JHY: variants seen among roughly 807,000 people sequenced by gnomAD.
JHY encodes jhy protein homolog.
Under a neutral mutation model 78.0 loss-of-function variants are expected in JHY, and 69 were observed. The observed-to-expected ratio is 0.88, with a 90% CI of 0.73 to 1.08. JHY has a LOEUF of 1.08. Among genes scored for constraint, JHY ranks in the 50% least tolerant of loss-of-function variants. JHY has a pLI of 0.00. For missense variants in JHY, 944 were observed against 927.8 expected (o/e 1.02, Z -0.23); for synonymous variants, 368 against 342.6 (o/e 1.07, Z -0.82).
chr11:122,914,734 C>T (rs752609358), intron 3 of JHY, among the ~76,000 whole-genome samples: 9 of 152,090 alleles, frequency 5.9e-5, no homozygotes, highest in Non-Finnish European at 1.3e-4. Context: ...TGAGCCACCA[C>T]ACCCGGCCTG....
intron 3 of JHY, among the ~76,000 whole-genome samples, chr11:122,910,231 T>C (rs111396023): frequency 0.018 from 2,693 of 152,154 alleles, 36 homozygotes; most frequent in Non-Finnish European, 0.023. Context: ...TCCCAGGACT[T>C]TGGGAGGCCA....
chr11:122,960,870 G>C lies in JHY; in HGVS notation c.*1425G>C, dbSNP rs79886270. 1.5e-6 allele frequency: 1 copy of C among 677,240 alleles called. No individual in the cohort carries two copies. Among genetic ancestry groups the C allele is most frequent in the African/African-American group, 1.8e-5 (1 of 56,530 alleles). The allele number at this position is 677,240 out of a possible 1,614,324, so 42.0% of individuals were successfully genotyped here. A position where few individuals can be genotyped will look rare whatever the true frequency, so the allele number is the denominator to read the frequency against. Reference sequence around the variant, plus strand: ...GAATAACATTGCTATGGCTGTGGAGGTTACTTACTGGGAATGACTGCATAG... The same window carrying C: ...GAATAACATTGCTATGGCTGTGGAGCTTACTTACTGGGAATGACTGCATAG... On this transcript the variant is annotated 3_prime_UTR_variant, in exon 9 of 9. Coordinates refer to ENST00000227349, the MANE Select transcript of JHY (RefSeq NM_024806.4).
chr11:122,943,725 T>C (rs902630646), intron 5 of JHY, among the ~76,000 whole-genome samples: 1 of 152,236 alleles, frequency 6.6e-6, no homozygotes, highest in Admixed American at 6.5e-5. Flanking sequence ...AATGCTTCTT[T>C]CTTAAAGTTT....
Position 122,960,910 on chromosome 11 carries a change from T to C in JHY, c.*1465T>C. ...TGACTGCATAGAGTGTATAAGGAAG[T>C]AAAGAATCGCCTGGACTATCATATA... On this transcript the variant is annotated 3_prime_UTR_variant, in exon 9 of 9. Coordinates refer to ENST00000227349, the MANE Select transcript of JHY (RefSeq NM_024806.4). 1.4e-6 allele frequency: 1 copy of C among 702,742 alleles called. No individual in the cohort carries two copies. The highest frequency in any genetic ancestry group is 2.7e-6 in the Non-Finnish European group (1 of 365,528). 43.5% of individuals were successfully genotyped at this position (702,742 alleles called of 1,614,324 possible).
At chr11:122,905,263 A>G (rs1862963695) in intron 3 of JHY, 1 of 1,613,806 alleles carries the variant, frequency 6.2e-7, no homozygotes, top group Non-Finnish European at 8.5e-7. Context: ...GCACATAAAG[A>G]CCTTCCTGCC....
chr11:122,884,017 AT>A, intron 1 of JHY, among the ~76,000 whole-genome samples: 1 of 152,230 alleles, frequency 6.6e-6, no homozygotes, highest in East Asian at 1.9e-4. Context: ...TTAGTATTTG[AT>A]AGATTTGCTG....
intron 6 of JHY, chr11:122,947,072 C>G: frequency 3.4e-6 from 1 of 298,290 alleles, no homozygotes; most frequent in Non-Finnish European, 6.1e-6. Context: ...AGAACTCCTC[C>G]TTTCATCCCC....
chr11:122,957,895 T>G (rs1864226994), intron 8 of JHY, among the ~76,000 whole-genome samples: 1 of 152,128 alleles, frequency 6.6e-6, no homozygotes, highest in Non-Finnish European at 1.5e-5. Context: ...CTTCCAGGAA[T>G]AGTATTTTAA....
intron 3 of JHY, among the ~76,000 whole-genome samples, chr11:122,919,190 A>G (rs542908858): frequency 6.6e-6 from 1 of 151,778 alleles, no homozygotes; most frequent in African/African-American, 2.4e-5. Flanking sequence ...CGTCTCTACT[A>G]AAATTACAAA....
intron 5 of JHY, 136 bp from the exon 6 acceptor site, chr11:122,946,362 G>C: frequency 1.1e-6 from 1 of 916,140 alleles, no homozygotes; most frequent in Non-Finnish European, 1.6e-6. Context: ...TTCATGAAAA[G>C]ATTAAGCTAA....
chr11:122,901,461 A>G (rs1281631121), intron 2 of JHY, among the ~76,000 whole-genome samples: 1 of 11,070 alleles, frequency 9.0e-5, no homozygotes, highest in Non-Finnish European at 2.5e-4. Context: ...ATATACTTTT[A>G]ATTTTTTTTT....
chr11:122,883,735 G>GT lies in JHY; in HGVS notation c.-90+766dup, dbSNP rs1449634521. On this transcript the variant is annotated intron_variant, in intron 1 of 8. Transcript: ENST00000227349. This position sits in a 1 kb window ranked among gnomAD's most constrained non-coding sequence, Gnocchi z 4.4. ...CCACAGAAAACCCAGCTTTTGTGGC[G>GT]TTTGGCTTTGCTCTTTGCATACTTT... Among the ~76,000 whole-genome samples the GT allele has an allele frequency of 3.9e-5, 6 of 152,176 alleles. No individual in the cohort carries two copies. Among genetic ancestry groups the GT allele is most frequent in the Admixed American group, 3.9e-4 (6 of 15,288 alleles).
intron 5 of JHY, among the ~76,000 whole-genome samples, chr11:122,936,324 A>G (rs575981996): frequency 3.3e-5 from 5 of 152,202 alleles, no homozygotes; most frequent in Non-Finnish European, 7.4e-5. Context: ...GAGTTGATCA[A>G]AGAACATTTA....
At chr11:122,945,601 G>A (rs921167455) in intron 5 of JHY, among the ~76,000 whole-genome samples, 8 of 152,104 alleles carry the variant, frequency 5.3e-5, no homozygotes, top group South Asian at 2.1e-4. Context: ...CACCTTTTCC[G>A]TGGAAACCTA....
Position 122,946,570 on chromosome 11 carries a change from G to A in JHY, c.1707G>A (p.Glu569=), listed in dbSNP as rs1565335347. The A allele has an allele frequency of 1.2e-6, 2 of 1,613,950 alleles. No individual in the cohort carries two copies. Among genetic ancestry groups the A allele is most frequent in the Non-Finnish European group, 1.7e-6 (2 of 1,179,990 alleles). The change falls in exon 6 of 9, where the codon GAG becomes GAA. Residue 569 remains glutamate, a synonymous_variant. Transcript: ENST00000227349. ...ATTCATGGCTCACCCAGATAATGGAGCAGCATCAGCAAGCCTTGGTGCAGC... is the reference window on the plus strand; with the variant it reads ...ATTCATGGCTCACCCAGATAATGGAACAGCATCAGCAAGCCTTGGTGCAGC... ...SPDSWLTQIM[E]QHQQALVQLT... is the part of the protein sequence containing the mutation.
chr11:122,925,737 GT>G (rs1863483160), intron 4 of JHY, among the ~76,000 whole-genome samples: 1 of 151,756 alleles, frequency 6.6e-6, no homozygotes, highest in African/African-American at 2.4e-5. Flanking sequence ...CAAAGATTAG[GT>G]CAGGCCCGTT....
rs1450136345 is a variant in JHY, at chr11:122,934,474, A to T, written c.1033A>T (p.Arg345Ter). The T allele has an allele frequency of 1.2e-6, 2 of 1,614,024 alleles. No individual in the cohort carries two copies. Among genetic ancestry groups the T allele is most frequent in the South Asian group, 2.2e-5 (2 of 91,068 alleles). ...AAGTACAAAATCAAGCAATGTACCA[A>T]GAGGGCAACCTTCTGACATGGTGAA... ...YESTKSSNVP[R>*]GQPSDMVNDH... Residue 345 changes from arginine to a stop codon, truncating the protein, a stop_gained, in exon 5 of 9, where the codon AGA becomes TGA. Transcript: ENST00000227349. LOFTEE classifies it high-confidence loss of function.
chr11:122,931,436 C>G (rs541952785), intron 4 of JHY, among the ~76,000 whole-genome samples: 1 of 152,200 alleles, frequency 6.6e-6, no homozygotes, highest in South Asian at 2.1e-4. Flanking sequence ...GCCTCCAACA[C>G]TATCAATAGA....
At position 122,957,418 on chromosome 11, in the gene JHY, T is replaced by C. The variant is rs746756471; in HGVS notation, c.2066T>C (p.Met689Thr). 1.3e-6 allele frequency: 2 copies of C among 1,537,118 alleles called. No homozygotes were observed. Among genetic ancestry groups the C allele is most frequent in the Non-Finnish European group, 1.7e-6 (2 of 1,153,872 alleles). ...GCAAAACAAGTCAAGGAGTACAACA[T>C]GAAGACACTATCCATTCTATCAAAA... ...EYAKQVKEYN[M>T]KTLSILSKPQ... Residue 689 changes from methionine (M) to threonine (T), a missense_variant, in exon 8 of 9, where the codon ATG becomes ACG. By Grantham distance (81) the Met-to-Thr change is moderately conservative. Coordinates refer to ENST00000227349, the MANE Select transcript of JHY (RefSeq NM_024806.4).
Sources: gnomAD v4.1 joint callset for allele counts (sites outside exome capture counted in the v4.1 genomes callset) on GRCh38, gnomAD v4.1.1 for gene constraint, Gnocchi (gnomAD v3.1) non-coding constraint, MANE v1.5 for transcripts, NCBI Gene and HGNC (gene_info 2026-07-23, HGNC 2026-07-21) for gene names.